Variants in OSBP observed in about 807,000 individuals in gnomAD.
OSBP encodes oxysterol-binding protein 1.
In OSBP, 32 loss-of-function variants were observed where a neutral mutation model predicts 96.6. The ratio of observed to expected loss-of-function variants is 0.33; its 90% confidence interval spans 0.25 to 0.45. The LOEUF is 0.45. OSBP is among the 20% of genes least tolerant of loss of function. The pLI is 1.00. For missense variants in OSBP, 653 were observed against 1,029.7 expected, an observed-to-expected ratio of 0.63 and a Z score of 5.01; for synonymous variants, 369 against 389.6, an observed-to-expected ratio of 0.95 and a Z score of 0.62.
chr11:59,591,045 T>C lies in OSBP; in HGVS notation c.1678+2559A>G, dbSNP rs1300329565. Among the ~76,000 whole-genome samples the C allele has an allele frequency of 2.0e-5, 3 of 152,378 alleles. 1 individual carries two copies. The highest frequency in any genetic ancestry group is 3.9e-4 in the East Asian group (2 of 5,194). On this transcript the variant is annotated intron_variant, in intron 9 of 13. Coordinates refer to ENST00000263847, the MANE Select transcript of OSBP (RefSeq NM_002556.3). Reference sequence around the variant, plus strand: ...CAGATACTCAGTTAAGCAGGTGATATGTGGAGGAACTTAACAGGATCCCGG... The same window carrying C: ...CAGATACTCAGTTAAGCAGGTGATACGTGGAGGAACTTAACAGGATCCCGG...
At chr11:59,577,064 G>A in intron 12 of OSBP, 39 bp from the exon 13 acceptor site, 1 of 1,554,752 alleles carries the variant, frequency 6.4e-7, no homozygotes, top group South Asian at 1.1e-5. Context: ...GGTAATCCCA[G>A]AGCCCAGACC....
In OSBP at chr11:59,600,802, T is replaced by A; in HGVS notation, c.1179+17A>T. On this transcript the variant is annotated intron_variant, in intron 6 of 13. Transcript: ENST00000263847. ...ACCCACGTCCCTCACCTCTGAGATC[T>A]CCCATATAAGAATTACCTGTTCATC... 1 of 1,605,710 alleles carries A rather than the reference T, an allele frequency of 6.2e-7. No individual in the cohort carries two copies. Among genetic ancestry groups the A allele is most frequent in the Non-Finnish European group, 8.5e-7 (1 of 1,173,170 alleles).
intron 1 of OSBP, among the ~76,000 whole-genome samples, chr11:59,611,485 C>T: frequency 6.6e-6 from 1 of 152,106 alleles, no homozygotes; most frequent in East Asian, 1.9e-4. Context: ...GAGAACTCAG[C>T]CCAATGTTAC....
At chr11:59,585,617 C>T (rs1336736945) in intron 9 of OSBP, among the ~76,000 whole-genome samples, 1 of 152,168 alleles carries the variant, frequency 6.6e-6, no homozygotes, top group Non-Finnish European at 1.5e-5. Context: ...GCCGCCCCTA[C>T]TGGGAAGTGA....
intron 12 of OSBP, 119 bp from the exon 13 acceptor site, chr11:59,577,144 T>A (rs1860370296): frequency 1.3e-6 from 1 of 796,740 alleles, no homozygotes; most frequent in Admixed American, 2.8e-5. Flanking sequence ...AAAAACAGGA[T>A]CTGTGAAAAG....
intron 7 of OSBP, 59 bp from the exon 8 acceptor site, chr11:59,594,314 AT>A (rs3216084): frequency 0.078 from 120,548 of 1,551,180 alleles, 8,156 homozygotes; most frequent in African/African-American, 0.33. Flanking sequence ...AGACAGTTTA[AT>A]TTTTTTTGCA....
intron 12 of OSBP, 147 bp from the exon 13 acceptor site, chr11:59,577,172 C>T (rs1210966993): frequency 1.5e-6 from 1 of 669,764 alleles, no homozygotes; most frequent in Non-Finnish European, 2.5e-6. Context: ...GACCATGTCA[C>T]ATTGCCCTAA....
intron 1 of OSBP, among the ~76,000 whole-genome samples, chr11:59,611,591 G>C (rs1477257031): frequency 6.6e-6 from 1 of 152,178 alleles, no homozygotes; most frequent in Admixed American, 6.5e-5. Flanking sequence ...TATGAAATAA[G>C]AATAACTAGC....
At chr11:59,580,350 T>C (rs1860406359) in intron 10 of OSBP, 81 bp from the exon 11 acceptor site, 2 of 889,832 alleles carry the variant, frequency 2.2e-6, no homozygotes, top group Admixed American at 1.9e-5. Flanking sequence ...ATTCTTTACT[T>C]TTCAATCTTA....
Position 59,576,623 on chromosome 11 carries a change from T to G in OSBP, c.2378A>C (p.Glu793Ala). 6.2e-7 allele frequency: 1 copy of G among 1,614,074 alleles called. No individual in the cohort carries two copies. Among genetic ancestry groups the G allele is most frequent in the South Asian group, 1.1e-5 (1 of 91,062 alleles). ...GCTCCAGTCCTGTTTTTCTTTACAC[T>G]CCCAGTATTCTCCCCTATAAATATG... ...LTHIYRGEYW[E>A]CKEKQDWSSC... is the part of the protein sequence containing the mutation. Residue 793 changes from glutamate (E) to alanine (A), a missense_variant, in exon 14 of 14, where the codon GAG (glutamate) becomes GCG (alanine). Glu to Ala is a moderately radical substitution (Grantham distance 107). Coordinates refer to ENST00000263847, the MANE Select transcript of OSBP (RefSeq NM_002556.3).
At chr11:59,611,106 G>C (rs1327524056) in intron 1 of OSBP, among the ~76,000 whole-genome samples, 1 of 140,424 alleles carries the variant, frequency 7.1e-6, no homozygotes, top group Non-Finnish European at 1.5e-5. Flanking sequence ...TTGCACTCCA[G>C]CTTGGGCAAC....
chr11:59,585,255 C>T (rs2134655985), intron 9 of OSBP, among the ~76,000 whole-genome samples: 1 of 151,794 alleles, frequency 6.6e-6, no homozygotes, highest in Non-Finnish European at 1.5e-5. Context: ...AGCCGCCCAT[C>T]GTCTGAGATG....
intron 3 of OSBP, among the ~76,000 whole-genome samples, chr11:59,607,544 TAG>T (rs1189952508): frequency 6.6e-6 from 1 of 152,036 alleles, no homozygotes; most frequent in African/African-American, 2.4e-5. Context: ...AGTCTGGCAC[TAG>T]AGAGGTAATT....
chr11:59,581,543 A>C lies in OSBP; in HGVS notation c.1690T>G (p.Cys564Gly), dbSNP rs1460606967. The C allele has an allele frequency of 6.2e-7, 1 of 1,605,668 alleles. No homozygotes were observed. The highest frequency in any genetic ancestry group is 8.5e-7 in the Non-Finnish European group (1 of 1,172,642). Residue 564 changes from cysteine to glycine, a missense_variant, in exon 10 of 14, where the codon TGT becomes GGT. Cys to Gly is a radical substitution (Grantham distance 159). Transcript: ENST00000263847. ...TGGTGCCCAGTTGCATGGAAAATAC[A>C]ATGAATGGTACCTGGAAGCAGAAAG... ...LSIMPLGTIHCIFHATGHHYT... is the reference protein window; with the variant it reads ...LSIMPLGTIHGIFHATGHHYT...
Position 59,597,926 on chromosome 11 carries a change from G to A in OSBP, c.1311+2570C>T, listed in dbSNP as rs577568859. The stretch of plus-strand genomic sequence containing the variant: ...TCACCATGTTGCCTAGGCTGGTCTC[G>A]AACTCCTGAGCTCAGACAATCCACC... On this transcript the variant is annotated intron_variant, in intron 7 of 13. Coordinates refer to ENST00000263847, the MANE Select transcript of OSBP (RefSeq NM_002556.3). Among the ~76,000 whole-genome samples, 6 of 152,120 alleles carry A rather than the reference G, an allele frequency of 3.9e-5. No individual in the cohort carries two copies. The South Asian group carries it at 8.3e-4, about 21-fold the overall frequency.
chr11:59,601,003 A>G, intron 5 of OSBP, 130 bp from the exon 6 acceptor site: 1 of 758,210 alleles, frequency 1.3e-6, no homozygotes. Flanking sequence ...AAATGACGAC[A>G]TTTAGAGTAG....
rs758673285 is a variant in OSBP, at chr11:59,593,699, G to A, written c.1583C>T (p.Ala528Val). 1.1e-5 allele frequency: 18 copies of A among 1,614,068 alleles called. No homozygotes were observed. Among genetic ancestry groups the A allele is most frequent in the East Asian group, 6.7e-5 (3 of 44,866 alleles). The change falls in exon 9 of 14, where the codon GCG becomes GTG. Residue 528 changes from alanine to valine, a missense_variant. Around this residue, in one of 6 missense-constraint regions of OSBP, gnomAD observed 308 missense variants for 573.1 expected, o/e 0.54. Transcript: ENST00000263847. ...GCCATTTTTGGACTCAGCATGGTGCGCAGCAGCAGGGGGATGATGACTCAC... is the reference window on the plus strand; with the variant it reads ...GCCATTTTTGGACTCAGCATGGTGCACAGCAGCAGGGGGATGATGACTCAC... ...EQVSHHPPAA[A>V]HHAESKNGWT...
At position 59,589,761 on chromosome 11, in the gene OSBP, G is replaced by C. The variant is rs573596515; in HGVS notation, c.1678+3843C>G. 3.3e-5 allele frequency among the ~76,000 whole-genome samples: 5 copies of C among 151,692 alleles called. No individual in the cohort carries two copies. In the East Asian group the frequency reaches 9.9e-4, roughly 30 times the overall value. On this transcript the variant is annotated intron_variant, in intron 9 of 13. Coordinates refer to ENST00000263847, the MANE Select transcript of OSBP (RefSeq NM_002556.3). ...GCACTTTGGGAGGCCAAGGTGGGCG[G>C]ATCATGAGGTCAGGAGTTTGAGACC...
chr11:59,586,313 C>T (rs1860499771), intron 9 of OSBP, among the ~76,000 whole-genome samples: 1 of 151,308 alleles, frequency 6.6e-6, no homozygotes, highest in African/African-American at 2.4e-5. Flanking sequence ...ATATTAAGAA[C>T]AATTCCACTT....
Sources: allele counts gnomAD v4.1 joint callset (sites outside exome capture counted in the v4.1 genomes callset), GRCh38; gene constraint gnomAD v4.1.1; regional missense constraint gnomAD v4.1.1; transcripts MANE v1.5; gene names NCBI Gene and HGNC (gene_info 2026-07-23, HGNC 2026-07-21).